LIN7A: variants seen among roughly 807,000 people sequenced by gnomAD.
LIN7A encodes protein lin-7 homolog A.
A neutral mutation model predicts 29.8 loss-of-function variants in LIN7A; 25 were observed. That is an observed-to-expected ratio of 0.84 (90% CI 0.61 to 1.17). The LOEUF (loss-of-function observed/expected upper bound fraction) is 1.17. Among genes scored for constraint, LIN7A ranks in the 50% most tolerant of loss-of-function variants. LIN7A has a pLI of 0.00. For missense variants in LIN7A, 239 were observed against 287.0 expected (o/e 0.83, Z 1.21); for synonymous variants, 118 against 107.5 (o/e 1.10, Z -0.60).
chr12:80,796,548 A>C lies in LIN7A; in HGVS notation c.*1179T>G, dbSNP rs1435002982. 6.6e-6 allele frequency: 1 copy of C among 152,012 alleles called. No individual in the cohort carries two copies. Among genetic ancestry groups the C allele is most frequent in the Non-Finnish European group, 1.5e-5 (1 of 67,984 alleles). 9.4% of individuals were successfully genotyped at this position (152,012 alleles called of 1,614,324 possible). On this transcript the variant is annotated 3_prime_UTR_variant, in exon 6 of 6. Transcript: ENST00000552864. ...TGATTTTATTTTATTTTTCTAGAGG[A>C]AGCAGCATCTGCCATTCACAATATT... is the stretch of plus-strand genomic sequence containing the variant.
Position 80,812,241 on chromosome 12 carries a change from T to C in LIN7A, c.484-558A>G, listed in dbSNP as rs139062050. Among the ~76,000 whole-genome samples the C allele has an allele frequency of 5.1e-4, 78 of 151,754 alleles. No homozygotes were observed. In the East Asian group the frequency reaches 0.014, roughly 28 times the overall value. ...ATTAACTAAATTAAATAATACAAAA[T>C]AATGGAGACTCAATCTCATACACTA... On this transcript the variant is annotated intron_variant, in intron 4 of 5. Coordinates refer to ENST00000552864, the MANE Select transcript of LIN7A (RefSeq NM_004664.4).
chr12:80,886,490 T>TA (rs1249656740), intron 2 of LIN7A, among the ~76,000 whole-genome samples: 1 of 72,426 alleles, frequency 1.4e-5, no homozygotes, highest in Non-Finnish European at 6.1e-5. Context: ...ATAAGAATAA[T>TA]AAAGAAATTC....
intron 4 of LIN7A, among the ~76,000 whole-genome samples, chr12:80,823,506 G>A (rs1426826600): frequency 6.6e-6 from 1 of 152,210 alleles, no homozygotes; most frequent in Non-Finnish European, 1.5e-5. Flanking sequence ...CAGCCAGCAT[G>A]CCTGGCTCTG....
chr12:80,865,871 C>T (rs1882170), intron 2 of LIN7A, among the ~76,000 whole-genome samples: 51,481 of 152,008 alleles, frequency 0.34, 10,227 homozygotes, highest in African/African-American at 0.56. Context: ...TCACAATAAG[C>T]TGTCAGGTTT....
chr12:80,820,653 A>G (rs1379365058), intron 4 of LIN7A, among the ~76,000 whole-genome samples: 2 of 152,012 alleles, frequency 1.3e-5, no homozygotes, highest in Non-Finnish European at 2.9e-5. Context: ...ACACACACAC[A>G]CACACCCATC....
intron 2 of LIN7A, among the ~76,000 whole-genome samples, chr12:80,879,645 CAAAAAAAAAAAAA>C (rs530877505): frequency 6.8e-5 from 4 of 58,732 alleles, no homozygotes; most frequent in Admixed American, 2.8e-4. Context: ...TGGAGCAGCC[CAAAAAAAAAAAAA>C]AAAAAAAAAA....
chr12:80,829,069 G>A (rs575632090), intron 4 of LIN7A, among the ~76,000 whole-genome samples: 2 of 152,192 alleles, frequency 1.3e-5, no homozygotes, highest in African/African-American at 4.8e-5. Flanking sequence ...GAGAGGAAAG[G>A]TCATTCTAGA....
intron 1 of LIN7A, among the ~76,000 whole-genome samples, chr12:80,935,480 G>A (rs1028328076): frequency 6.6e-6 from 1 of 152,198 alleles, no homozygotes; most frequent in Non-Finnish European, 1.5e-5. Flanking sequence ...AGAGGCTGAT[G>A]TATGCAGAGT....
chr12:80,824,956 G>A (rs943832876), intron 4 of LIN7A, among the ~76,000 whole-genome samples: 2 of 152,168 alleles, frequency 1.3e-5, no homozygotes, highest in African/African-American at 4.8e-5. Context: ...ACTGCAACAA[G>A]ACAAGGATGC....
chr12:80,854,745 G>A (rs187086857), intron 2 of LIN7A, among the ~76,000 whole-genome samples: 1 of 152,006 alleles, frequency 6.6e-6, no homozygotes, highest in East Asian at 1.9e-4. Flanking sequence ...AACTATTACT[G>A]TCTAAATTAT....
chr12:80,925,968 TTGCTTGCACCC>T (rs1877560649), intron 1 of LIN7A, among the ~76,000 whole-genome samples: 1 of 152,214 alleles, frequency 6.6e-6, no homozygotes, highest in Non-Finnish European at 1.5e-5. Context: ...CTGCTTGCTA[TTGCTTGCACCC>T]TGCAAGATGA....
intron 2 of LIN7A, among the ~76,000 whole-genome samples, chr12:80,879,561 A>T (rs1413501055): frequency 7.7e-6 from 1 of 130,244 alleles, no homozygotes; most frequent in Non-Finnish European, 1.6e-5. Flanking sequence ...AGGCTGTTTT[A>T]TTTGGCTTAG....
In LIN7A at chr12:80,811,672, T is replaced by C. The variant is rs1287153876; in HGVS notation, c.495A>G (p.Gly165=). 2 of 1,610,882 alleles carry C rather than the reference T, an allele frequency of 1.2e-6. No individual in the cohort carries two copies. Among genetic ancestry groups the C allele is most frequent in the Non-Finnish European group, 1.7e-6 (2 of 1,177,338 alleles). Residue 165 remains glycine, a synonymous_variant, in exon 5 of 6, where the codon GGA becomes GGG. Transcript: ENST00000552864. ...GTTCCACAGCTTTCTCATGGTGTTC[T>C]CCTTCCACACTCTGAAAATACAATG... ...LLSVNGVSVE[G]EHHEKAVELL... is the part of the protein sequence containing the mutation.
At chr12:80,879,167 T>G (rs890632556) in intron 2 of LIN7A, among the ~76,000 whole-genome samples, 6 of 152,082 alleles carry the variant, frequency 3.9e-5, no homozygotes, top group African/African-American at 1.2e-4. Context: ...TAACTATAGA[T>G]TCACAGAACC....
At chr12:80,931,625 A>G (rs910834279) in intron 1 of LIN7A, among the ~76,000 whole-genome samples, 8 of 147,388 alleles carry the variant, frequency 5.4e-5, no homozygotes, top group Non-Finnish European at 7.4e-5. Flanking sequence ...GCAACAGGGC[A>G]AGACTCTGTC....
intron 2 of LIN7A, among the ~76,000 whole-genome samples, chr12:80,878,141 A>G (rs535806416): frequency 1.3e-3 from 200 of 152,308 alleles, no homozygotes; most frequent in Middle Eastern, 3.4e-3. Flanking sequence ...CTTCAGAGTC[A>G]TTATAGATGA....
At chr12:80,857,958 C>T (rs191309933) in intron 2 of LIN7A, among the ~76,000 whole-genome samples, 26 of 152,234 alleles carry the variant, frequency 1.7e-4, no homozygotes, top group Admixed American at 1.5e-3. Context: ...ATTCTAGAAA[C>T]ACTTAACAGA....
intron 2 of LIN7A, among the ~76,000 whole-genome samples, chr12:80,877,309 A>G (rs907205557): frequency 1.2e-4 from 19 of 152,100 alleles, no homozygotes; most frequent in African/African-American, 4.6e-4. Context: ...GTGATTTTAT[A>G]AACTGTGATA....
chr12:80,874,946 A>G (rs1161958343), intron 2 of LIN7A, among the ~76,000 whole-genome samples: 1 of 152,210 alleles, frequency 6.6e-6, no homozygotes, highest in East Asian at 1.9e-4. Context: ...GCTTGCAGTG[A>G]GCCGAGATGG....
Sources: gnomAD v4.1 joint callset for allele counts (sites outside exome capture counted in the v4.1 genomes callset) on GRCh38, gnomAD v4.1.1 for gene constraint, MANE v1.5 for transcripts, NCBI Gene and HGNC (gene_info 2026-07-23, HGNC 2026-07-21) for gene names.